NUDT21: variants seen among roughly 807,000 people sequenced by gnomAD.
The protein encoded by NUDT21 is nudix hydrolase 21.
A neutral mutation model predicts 29.8 loss-of-function variants in NUDT21; 5 were observed. That is an observed-to-expected ratio of 0.17 (90% CI 0.09 to 0.35). The LOEUF is 0.35. Among genes scored for constraint, NUDT21 ranks in the 10% least tolerant of loss-of-function variants. NUDT21 has a pLI of 1.00. For synonymous variants in NUDT21, 113 were observed against 98.5 expected (o/e 1.15, Z -0.87); for missense variants, 76 against 276.0 (o/e 0.28, Z 5.13).
chr16:56,439,471 C>T (rs565237939), intron 4 of NUDT21, 186 bp downstream of exon 4: 29 of 571,468 alleles, frequency 5.1e-5, no homozygotes, highest in Non-Finnish European at 7.5e-5. Flanking sequence ...CCACCTCGCC[C>T]GGCCTTGTAT....
At chr16:56,441,828 T>A (rs191069252) in intron 3 of NUDT21, among the ~76,000 whole-genome samples, 2 of 152,388 alleles carry the variant, frequency 1.3e-5, no homozygotes, top group East Asian at 3.9e-4. Flanking sequence ...TTCTCCATGA[T>A]AACTTAAATT....
chr16:56,444,112 T>G (rs1342984071), intron 3 of NUDT21, among the ~76,000 whole-genome samples: 6 of 151,992 alleles, frequency 3.9e-5, no homozygotes, highest in Admixed American at 1.3e-4. Flanking sequence ...CGATCTCATC[T>G]CTATAAAAAA....
chr16:56,444,317 C>T (rs1962192246), intron 3 of NUDT21, among the ~76,000 whole-genome samples: 1 of 152,112 alleles, frequency 6.6e-6, no homozygotes, highest in Admixed American at 6.5e-5. Flanking sequence ...CTGACAGTGG[C>T]TCACACCTGT....
Position 56,432,684 on chromosome 16 carries a change from TTC to T in NUDT21, c.*26_*27del, listed in dbSNP as rs768383288. On this transcript the variant is annotated 3_prime_UTR_variant, in exon 7 of 7. Coordinates refer to ENST00000300291, the MANE Select transcript of NUDT21 (RefSeq NM_007006.3). The stretch of plus-strand genomic sequence containing the variant: ...AGCTGTGCTCACAGAGACAAGCGGC[TTC>T]TTTTACTTCTCCACTGCGCAGGAAT... 1 of 1,606,328 alleles carries T rather than the reference TTC, an allele frequency of 6.2e-7. No individual in the cohort carries two copies. Among genetic ancestry groups the T allele is most frequent in the African/African-American group, 1.3e-5 (1 of 74,594 alleles).
intron 1 of NUDT21, among the ~76,000 whole-genome samples, chr16:56,450,639 G>A (rs2143950394): frequency 6.6e-6 from 1 of 152,340 alleles, no homozygotes; most frequent in Admixed American, 6.5e-5. Context: ...ATTACAGCTA[G>A]ATCTCGAAAC....
At position 56,437,390 on chromosome 16, in the gene NUDT21, C is replaced by T. The variant is rs146232863; in HGVS notation, c.471+2267G>A. On this transcript the variant is annotated intron_variant, in intron 4 of 6. Transcript: ENST00000300291. The stretch of plus-strand genomic sequence containing the variant: ...CATCAGTAACATCATCACTCATTAT[C>T]ATGGATTAAAATATTTCAAATTATT... Among the ~76,000 whole-genome samples the T allele has an allele frequency of 4.0e-3, 604 of 152,294 alleles. 4 individuals carry two copies. The highest frequency in any genetic ancestry group is 7.1e-3 in the Non-Finnish European group (481 of 68,012).
At chr16:56,448,636 TC>T (rs1182633661) in intron 1 of NUDT21, among the ~76,000 whole-genome samples, 5 of 152,182 alleles carry the variant, frequency 3.3e-5, no homozygotes, top group Admixed American at 2.6e-4. Flanking sequence ...ACCCACCATA[TC>T]TAATCGAAAA....
At chr16:56,446,380 C>G (rs1962221162) in intron 3 of NUDT21, 1 of 417,606 alleles carries the variant, frequency 2.4e-6, no homozygotes, top group Admixed American at 4.2e-5. Flanking sequence ...AGAACAGTGT[C>G]TAGCACAGTA....
rs1387509942 is a variant in NUDT21, at chr16:56,435,727, C to CA, written c.472-899dup. On this transcript the variant is annotated intron_variant, in intron 4 of 6. Coordinates refer to ENST00000300291, the MANE Select transcript of NUDT21 (RefSeq NM_007006.3). The stretch of plus-strand genomic sequence containing the variant: ...GGCAACAGAGTGAGACTCTGTCTCC[C>CA]AAAAAAAAAAAAAAATTATATATAT... Among the ~76,000 whole-genome samples the CA allele has an allele frequency of 4.6e-3, 102 of 22,050 alleles. 4 individuals are homozygous for CA. The highest frequency in any genetic ancestry group is 0.012 in the African/African-American group (77 of 6,240). 14.5% of individuals were successfully genotyped at this position (22,050 alleles called of 152,430 possible). A position where few individuals can be genotyped will look rare whatever the true frequency, so the allele number is the denominator to read the frequency against.
At chr16:56,439,422 C>T (rs765031966) in intron 4 of NUDT21, 34 of 429,674 alleles carry the variant, frequency 7.9e-5, no homozygotes, top group Non-Finnish European at 1.3e-4. Context: ...GTGATCCACC[C>T]GCCTCGGCCT....
At chr16:56,444,976 G>A (rs1962202103) in intron 3 of NUDT21, among the ~76,000 whole-genome samples, 1 of 152,178 alleles carries the variant, frequency 6.6e-6, no homozygotes, top group South Asian at 2.1e-4. Context: ...CTGAGGTTAG[G>A]AGTTCTAGAC....
chr16:56,446,007 G>GTGC (rs1962213697), intron 3 of NUDT21, among the ~76,000 whole-genome samples: 1 of 152,156 alleles, frequency 6.6e-6, no homozygotes, highest in Admixed American at 6.5e-5. Context: ...TATGAGCTTT[G>GTGC]TAACAGGGGC....
chr16:56,441,485 G>A (rs565806929), intron 3 of NUDT21, among the ~76,000 whole-genome samples: 12 of 151,576 alleles, frequency 7.9e-5, no homozygotes, highest in South Asian at 6.3e-4. Flanking sequence ...CACCTGCCTC[G>A]GCCTCCCAAA....
chr16:56,432,924 C>T (rs1962052479), intron 6 of NUDT21, among the ~76,000 whole-genome samples, 191 bp from the exon 7 acceptor site: 1 of 152,134 alleles, frequency 6.6e-6, no homozygotes, highest in South Asian at 2.1e-4. Flanking sequence ...TCACATCTTA[C>T]ACACTAAAAA....
rs1309636279 is a variant in NUDT21, at chr16:56,430,972, TCAAA to T, written c.*1736_*1739del. 2.6e-5 allele frequency: 4 copies of T among 152,224 alleles called. No homozygotes were observed. Among genetic ancestry groups the T allele is most frequent in the Non-Finnish European group, 5.9e-5 (4 of 68,044 alleles). 9.4% of individuals were successfully genotyped at this position (152,224 alleles called of 1,614,324 possible). Reference sequence around the variant, plus strand: ...GCCTCGAATCAGATGACTCTTCAACTCAAACACTCCTTACTGAGAGTACTTTATA... The same window carrying T: ...GCCTCGAATCAGATGACTCTTCAACTCACTCCTTACTGAGAGTACTTTATA... On this transcript the variant is annotated 3_prime_UTR_variant, in exon 7 of 7. Coordinates refer to ENST00000300291, the MANE Select transcript of NUDT21 (RefSeq NM_007006.3).
At chr16:56,434,583 T>G in intron 5 of NUDT21, 138 bp from the exon 6 acceptor site, 1 of 775,402 alleles carries the variant, frequency 1.3e-6, no homozygotes, top group South Asian at 1.6e-5. Flanking sequence ...GGTTGTGTCT[T>G]TCAAGGTAGA....
At chr16:56,440,363 C>G (rs1469607382) in intron 3 of NUDT21, among the ~76,000 whole-genome samples, 1 of 152,204 alleles carries the variant, frequency 6.6e-6, no homozygotes, top group African/African-American at 2.4e-5. Flanking sequence ...AGATTATTAA[C>G]TGAAGTCCAT....
At position 56,430,422 on chromosome 16, in the gene NUDT21, T is replaced by C. The variant is rs1426093426; in HGVS notation, c.*2290A>G. 4 of 152,340 alleles carry C rather than the reference T, an allele frequency of 2.6e-5. No homozygotes were observed. Among genetic ancestry groups the C allele is most frequent in the African/African-American group, 9.6e-5 (4 of 41,588 alleles). 9.4% of individuals were successfully genotyped at this position (152,340 alleles called of 1,614,324 possible). A position where few individuals can be genotyped will look rare whatever the true frequency, so the allele number is the denominator to read the frequency against. On this transcript the variant is annotated 3_prime_UTR_variant, in exon 7 of 7. Coordinates refer to ENST00000300291, the MANE Select transcript of NUDT21 (RefSeq NM_007006.3). ...TACTCAGGGAAAATAAGATGACATA[T>C]ATTGTAGTTTTAGAACGCAAAAGAG...
At chr16:56,447,729 G>T in intron 2 of NUDT21, 60 bp downstream of exon 2, 1 of 1,452,696 alleles carries the variant, frequency 6.9e-7, no homozygotes, top group Non-Finnish European at 9.7e-7. Flanking sequence ...GTATTCCAGA[G>T]CTGCATAAAC....
Sources: gnomAD v4.1 joint callset for allele counts (sites outside exome capture counted in the v4.1 genomes callset) on GRCh38, gnomAD v4.1.1 for gene constraint, MANE v1.5 for transcripts, NCBI Gene and HGNC (gene_info 2026-07-23, HGNC 2026-07-21) for gene names.